DAAM1: variants seen among roughly 807,000 people sequenced by gnomAD.
The protein encoded by DAAM1 is disheveled-associated activator of morphogenesis 1.
In DAAM1, 52 loss-of-function variants were observed where a neutral mutation model predicts 130.0. The observed-to-expected ratio is 0.40, with a 90% confidence interval of 0.32 to 0.50. The LOEUF (loss-of-function observed/expected upper bound fraction) is 0.50, where lower values mean the gene tolerates loss of function less well. DAAM1 is among the 20% of genes least tolerant of loss of function. The probability of loss-of-function intolerance (pLI) is 0.61; values close to 1 mark genes in which losing one functional copy is unlikely to be tolerated. For missense variants in DAAM1, 1,134 were observed against 1,303.8 expected (o/e 0.87, Z 2.01); for synonymous variants, 452 against 444.5 (o/e 1.02, Z -0.21).
At position 59,260,973 on chromosome 14, in the gene DAAM1, A is replaced by G. The variant is rs114860138; in HGVS notation, c.-37-2468A>G. Reference sequence around the variant, plus strand: ...AAGTGTAGGATATTTTTGAGGAAGTAGGAAAGACAGAAAAGTTGAGCTGAA... The same window carrying G: ...AAGTGTAGGATATTTTTGAGGAAGTGGGAAAGACAGAAAAGTTGAGCTGAA... On this transcript the variant is annotated intron_variant, in intron 1 of 24. Coordinates refer to ENST00000360909, the MANE Select transcript of DAAM1 (RefSeq NM_001270520.2). 5.9e-3 allele frequency among the ~76,000 whole-genome samples: 901 copies of G among 152,312 alleles called. 11 individuals carry two copies. The highest frequency in any genetic ancestry group is 0.021 in the African/African-American group (871 of 41,564).
intron 3 of DAAM1, among the ~76,000 whole-genome samples, chr14:59,312,067 G>A (rs371302768): frequency 3.9e-5 from 6 of 152,096 alleles, no homozygotes; most frequent in South Asian, 2.1e-4. Context: ...AAAAATTTTC[G>A]TGATTATATA....
chr14:59,320,607 G>GT (rs751916037), intron 5 of DAAM1, 23 bp downstream of exon 5: 133,754 of 1,114,302 alleles, frequency 0.12, no homozygotes, highest in South Asian at 0.16. Context: ...TGGATGGCAT[G>GT]TTTTTTTTTT....
At chr14:59,320,108 C>T (rs1025813919) in intron 4 of DAAM1, among the ~76,000 whole-genome samples, 1 of 152,110 alleles carries the variant, frequency 6.6e-6, no homozygotes, top group Non-Finnish European at 1.5e-5. Flanking sequence ...CACTTTTTGG[C>T]TGAGGAATAG....
intron 3 of DAAM1, chr14:59,291,566 A>G (rs1883740938): frequency 2.4e-6 from 1 of 409,506 alleles, no homozygotes; most frequent in Non-Finnish European, 4.4e-6. Context: ...GTTTGCTTAC[A>G]CAAGACAAAT....
chr14:59,335,752 A>G (rs1885602707), intron 15 of DAAM1, among the ~76,000 whole-genome samples: 2 of 152,124 alleles, frequency 1.3e-5, no homozygotes, highest in Admixed American at 1.3e-4. Context: ...AACAAAGAAT[A>G]ACGGTGGTCT....
rs144773815 is a variant in DAAM1 at position 59,367,518 on chromosome 14, T to C, written c.2916T>C (p.Ala972=). 1.2e-3 allele frequency: 1,957 copies of C among 1,613,868 alleles called. 4 individuals are homozygous for C. Among genetic ancestry groups the C allele is most frequent in the Admixed American group, 1.7e-3 (99 of 59,994 alleles). ...FFGIFDQFLQ[A]VSEAKQENEN... is the part of the protein sequence containing the mutation. ...GCATTTTTGATCAATTTCTTCAAGC[T>C]GTGTCAGAAGCCAAACAAGAAAACG... Residue 972 remains alanine, a synonymous_variant, in exon 24 of 25, where the codon GCT becomes GCC. Coordinates refer to ENST00000360909, the MANE Select transcript of DAAM1 (RefSeq NM_001270520.2).
Position 59,359,400 on chromosome 14 carries a change from C to T in DAAM1, c.2529C>T (p.Asn843=). The part of the protein sequence containing the change: ...IADTKSSIDK[N]ITLLHYLITI... ...CTCTTCCCTTCTTCAATTGTAGAAA[C>T]ATTACCCTTTTGCACTATCTCATCA... The change falls in exon 21 of 25, where the codon AAC becomes AAT. Residue 843 remains asparagine, a synonymous_variant. Transcript: ENST00000360909. The T allele has an allele frequency of 1.9e-6, 3 of 1,607,730 alleles. No individual in the cohort carries two copies. The highest frequency in any genetic ancestry group is 2.6e-6 in the Non-Finnish European group (3 of 1,174,686).
chr14:59,358,477 C>T (rs1400974323), intron 20 of DAAM1, among the ~76,000 whole-genome samples: 1 of 152,188 alleles, frequency 6.6e-6, no homozygotes. Flanking sequence ...AGTTATGGCC[C>T]ACTTCCAGGT....
At chr14:59,332,068 A>G (rs1885465063) in intron 15 of DAAM1, 148 bp downstream of exon 15, 3 of 678,164 alleles carry the variant, frequency 4.4e-6, no homozygotes, top group South Asian at 3.8e-5. Flanking sequence ...GTCTCCGTCC[A>G]AGTGCCTGTT....
chr14:59,319,513 C>A (rs905786808), intron 4 of DAAM1, among the ~76,000 whole-genome samples: 4 of 152,158 alleles, frequency 2.6e-5, no homozygotes, highest in African/African-American at 4.8e-5. Context: ...CAATCTGTTT[C>A]TCAGCCAAGC....
intron 1 of DAAM1, among the ~76,000 whole-genome samples, chr14:59,197,154 T>C (rs1225508555): frequency 1.3e-5 from 2 of 152,164 alleles, no homozygotes; most frequent in Admixed American, 6.5e-5. Flanking sequence ...TCTCCTGACC[T>C]CGTGATCCGC....
chr14:59,262,412 A>G (rs1224829517), intron 1 of DAAM1, among the ~76,000 whole-genome samples: 2 of 151,972 alleles, frequency 1.3e-5, no homozygotes, highest in Non-Finnish European at 2.9e-5. Context: ...CATACCCTCT[A>G]TCATCATTAA....
chr14:59,326,885 G>A (rs770065028), intron 11 of DAAM1, 48 bp from the exon 12 acceptor site: 140 of 1,608,380 alleles, frequency 8.7e-5, no homozygotes, highest in Non-Finnish European at 2.0e-5. Flanking sequence ...AGTTAGCAGT[G>A]GACCTTTTAT....
intron 4 of DAAM1, among the ~76,000 whole-genome samples, chr14:59,319,395 C>A (rs1884915603): frequency 6.6e-6 from 1 of 152,142 alleles, no homozygotes; most frequent in Non-Finnish European, 1.5e-5. Context: ...AATGCTGATA[C>A]TATTGATTGT....
intron 2 of DAAM1, among the ~76,000 whole-genome samples, chr14:59,269,674 A>G (rs117541606): frequency 0.021 from 3,150 of 152,278 alleles, 65 homozygotes; most frequent in Non-Finnish European, 0.027. Flanking sequence ...TACCCCCATG[A>G]TTGCCTAACC....
intron 1 of DAAM1, among the ~76,000 whole-genome samples, chr14:59,241,430 T>C (rs1881112058): frequency 6.6e-6 from 1 of 152,236 alleles, no homozygotes; most frequent in African/African-American, 2.4e-5. Context: ...TTTTTGAGAC[T>C]TGGCTAAAAT....
rs1885185566 is a variant in DAAM1 at position 59,325,897 on chromosome 14, C to T, written c.1057-63C>T. On this transcript the variant is annotated intron_variant, in intron 9 of 24. Transcript: ENST00000360909. ...TTAGCTTCTGTTTGCTTTGAGTTTA[C>T]TTTACACTGGGGAAACTGAGGAACT... The T allele has an allele frequency of 2.6e-6, 4 of 1,563,502 alleles. No individual in the cohort carries two copies. In the South Asian group the frequency reaches 4.5e-5, roughly 17 times the overall value.
intron 1 of DAAM1, among the ~76,000 whole-genome samples, chr14:59,232,144 T>C (rs149314236): frequency 1.2e-3 from 178 of 152,318 alleles, no homozygotes; most frequent in African/African-American, 4.1e-3. Flanking sequence ...ATTTCTCACC[T>C]TGTTTTTCTA....
rs1887103473 is a variant in DAAM1, at chr14:59,370,144, C to CTTGTTTTTTTTTTTTTTTTTT, written c.*1287_*1288insGTTTTTTTTTTTTTTTTTTTT. 1 of 95,400 alleles carries CTTGTTTTTTTTTTTTTTTTTT rather than the reference C, an allele frequency of 1.0e-5. No homozygotes were observed. The highest frequency in any genetic ancestry group is 2.2e-5 in the Non-Finnish European group (1 of 46,364). The allele number at this position is 95,400 out of a possible 1,614,324, so 5.9% of individuals were successfully genotyped here. A position where few individuals can be genotyped will look rare whatever the true frequency, so the allele number is the denominator to read the frequency against. ...TATAAAGAGGACTGTTACTTTTTTA[C>CTTGTTTTTTTTTTTTTTTTTT]TTTTTTTTTTTTTTTTTTTTTTTTT... is the stretch of plus-strand genomic sequence containing the variant. On this transcript the variant is annotated 3_prime_UTR_variant, in exon 25 of 25. Transcript: ENST00000360909.
Sources: allele counts gnomAD v4.1 joint callset (sites outside exome capture counted in the v4.1 genomes callset), GRCh38; gene constraint gnomAD v4.1.1; transcripts MANE v1.5; gene names NCBI Gene and HGNC (gene_info 2026-07-23, HGNC 2026-07-21).